VIRMA: variants seen among roughly 807,000 people sequenced by gnomAD.
VIRMA encodes protein virilizer homolog.
Under a neutral mutation model 182.4 loss-of-function variants are expected in VIRMA, and 65 were observed. That is an observed-to-expected ratio of 0.36 (90% CI 0.29 to 0.44). VIRMA has a LOEUF of 0.44. Ranked by LOEUF, VIRMA falls within the 20% of genes least tolerant of loss-of-function variation. VIRMA has a pLI of 1.00. For missense variants in VIRMA, 1,752 were observed against 2,158.1 expected (o/e 0.81, Z 3.73); for synonymous variants, 709 against 743.1 (o/e 0.95, Z 0.75).
intron 17 of VIRMA, chr8:94,497,725 A>G (rs938416127): frequency 2.0e-5 from 3 of 151,656 alleles, no homozygotes; most frequent in African/African-American, 7.3e-5. Flanking sequence ...TTAAGAGACG[A>G]GTTGGCCAGG....
rs1813498948 is a variant in VIRMA at position 94,487,922 on chromosome 8, A to AT, written c.*783dup. 6.6e-6 allele frequency: 1 copy of AT among 152,224 alleles called. No individual in the cohort carries two copies. Among genetic ancestry groups the AT allele is most frequent in the Non-Finnish European group, 1.5e-5 (1 of 68,038 alleles). 9.4% of individuals were successfully genotyped at this position (152,224 alleles called of 1,614,324 possible). On this transcript the variant is annotated 3_prime_UTR_variant, in exon 24 of 24. Coordinates refer to ENST00000297591, the MANE Select transcript of VIRMA (RefSeq NM_015496.5). Reference sequence around the variant, plus strand: ...TAGTGTCAGTAGGTCCAAAGCTGAAATGCAAAGTTCAGATTTCTAATACAA... The same window carrying AT: ...TAGTGTCAGTAGGTCCAAAGCTGAAATTGCAAAGTTCAGATTTCTAATACAA...
At chr8:94,491,064 A>C (rs1276865576) in intron 22 of VIRMA, among the ~76,000 whole-genome samples, 1 of 151,632 alleles carries the variant, frequency 6.6e-6, no homozygotes, top group Non-Finnish European at 1.5e-5. Context: ...CTGTAATCCC[A>C]GCACTTTGGG....
chr8:94,531,325 C>A (rs1192408595), intron 5 of VIRMA, among the ~76,000 whole-genome samples: 1 of 152,138 alleles, frequency 6.6e-6, no homozygotes, highest in Admixed American at 6.6e-5. Context: ...TATACACAGG[C>A]AGTCCTAGAA....
intron 19 of VIRMA, among the ~76,000 whole-genome samples, chr8:94,495,530 C>A: frequency 6.7e-6 from 1 of 149,144 alleles, no homozygotes; most frequent in South Asian, 2.1e-4. Context: ...TCTGTACAGC[C>A]TGCAAGCTAG....
chr8:94,529,283 G>A lies in VIRMA; in HGVS notation c.667C>T (p.Pro223Ser). ...TCCTGGGGAACAGAATTCCGATCAG[G>A]AGAAATGGGCTCAAAGTAATCTTCT... ...HREDYFEPIS[P>S]DRNSVPQEGQ... Residue 223 changes from proline (P) to serine (S), a missense_variant, in exon 7 of 24, where the codon CCT becomes TCT. Transcript: ENST00000297591. The A allele has an allele frequency of 6.2e-7, 1 of 1,613,134 alleles. No homozygotes were observed. The highest frequency in any genetic ancestry group is 1.1e-5 in the South Asian group (1 of 91,062).
At position 94,488,189 on chromosome 8, in the gene VIRMA, A is replaced by G. The variant is rs1813504320; in HGVS notation, c.*517T>C. ...ACAAAACTGGGTTTTCAGCAGTTTG[A>G]TAAAAAGTACTGTGCAAGAAGCAGA... On this transcript the variant is annotated 3_prime_UTR_variant, in exon 24 of 24. Transcript: ENST00000297591. 1.3e-5 allele frequency: 2 copies of G among 152,366 alleles called. No individual in the cohort carries two copies. The highest frequency in any genetic ancestry group is 1.3e-4 in the Admixed American group (2 of 15,304). The allele number at this position is 152,366 out of a possible 1,614,324, so 9.4% of individuals were successfully genotyped here.
chr8:94,523,597 T>G (rs192682326), intron 8 of VIRMA, among the ~76,000 whole-genome samples: 59 of 152,190 alleles, frequency 3.9e-4, no homozygotes, highest in Non-Finnish European at 6.8e-4. Flanking sequence ...ATTTTTTATT[T>G]TCTGTAGCGG....
Position 94,510,630 on chromosome 8 carries a change from G to GATA in VIRMA, c.3410_3412dup (p.Ile1137_Ser1138insLeu). ...CAATTTTCGGGTGTTGAGTGCCACT[G>GATA]ATATATCATGTGGCTCAATAACCTG... On this transcript the variant is annotated inframe_insertion, in exon 14 of 24. Transcript: ENST00000297591. 6.2e-7 allele frequency: 1 copy of GATA among 1,613,552 alleles called. No individual in the cohort carries two copies. The highest frequency in any genetic ancestry group is 8.5e-7 in the Non-Finnish European group (1 of 1,179,498).
chr8:94,528,099 G>A (rs1352949079), intron 7 of VIRMA, among the ~76,000 whole-genome samples: 1 of 151,756 alleles, frequency 6.6e-6, no homozygotes, highest in Admixed American at 6.6e-5. Flanking sequence ...CTGAGCGTAG[G>A]GGTGCGTGCC....
Position 94,510,496 on chromosome 8 carries a change from G to C in VIRMA, c.3547C>G (p.Gln1183Glu). The C allele has an allele frequency of 6.2e-7, 1 of 1,614,046 alleles. No homozygotes were observed. The highest frequency in any genetic ancestry group is 1.1e-5 in the South Asian group (1 of 91,058). The change falls in exon 14 of 24, where the codon CAA becomes GAA. Residue 1183 changes from glutamine (Q) to glutamate (E), a missense_variant. This residue lies in a region of VIRMA where 777 missense variants were observed against 920.6 expected (regional missense o/e 0.84). Transcript: ENST00000297591. ...IQHMLRRICV[Q>E]LCDLASPTAL... is the part of the protein sequence containing the mutation. ...GTTGGTGAGGCAAGGTCACACAATTGAACACAAATACGCCGTAACATATGT... is the reference window on the plus strand; with the variant it reads ...GTTGGTGAGGCAAGGTCACACAATTCAACACAAATACGCCGTAACATATGT...
chr8:94,548,064 G>C (rs933802701), intron 1 of VIRMA, among the ~76,000 whole-genome samples: 6 of 146,798 alleles, frequency 4.1e-5, no homozygotes, highest in African/African-American at 1.5e-4. Context: ...ACCACTTAAA[G>C]AATATTACAC....
chr8:94,509,471 C>T (rs182949402), intron 15 of VIRMA, among the ~76,000 whole-genome samples: 25 of 150,892 alleles, frequency 1.7e-4, no homozygotes, highest in Non-Finnish European at 2.7e-4. Context: ...CTAAAAAATA[C>T]GGAAACACTG....
At chr8:94,553,338 G>C in intron 1 of VIRMA, 47 bp downstream of exon 1, 1 of 1,583,404 alleles carries the variant, frequency 6.3e-7, no homozygotes, top group Non-Finnish European at 8.7e-7. Flanking sequence ...TTTTTGTAAA[G>C]ATCCCAAGTC....
intron 11 of VIRMA, among the ~76,000 whole-genome samples, chr8:94,513,336 CAAAACA>C (rs1464704279): frequency 7.2e-6 from 1 of 138,924 alleles, no homozygotes; most frequent in Non-Finnish European, 1.5e-5. Flanking sequence ...GACTCCATCT[CAAAACA>C]AAACAAAACA....
rs990344982 is a variant in VIRMA at position 94,512,096 on chromosome 8, A to C, written c.2752-7T>G. 8 of 1,413,158 alleles carry C rather than the reference A, an allele frequency of 5.7e-6. No homozygotes were observed. The highest frequency in any genetic ancestry group is 7.5e-6 in the Non-Finnish European group (8 of 1,065,244). 87.5% of individuals were successfully genotyped at this position (1,413,158 alleles called of 1,614,324 possible). On this transcript the variant is annotated splice_polypyrimidine_tract_variant and splice_region_variant and intron_variant, in intron 11 of 23. Coordinates refer to ENST00000297591, the MANE Select transcript of VIRMA (RefSeq NM_015496.5). ...TCATCAAGTTATCGATATTCTTTAAAAATGAAAATGAACAGAATATTTCGT... is the reference window on the plus strand; with the variant it reads ...TCATCAAGTTATCGATATTCTTTAACAATGAAAATGAACAGAATATTTCGT...
At chr8:94,508,266 A>G (rs1249661657) in intron 15 of VIRMA, among the ~76,000 whole-genome samples, 1 of 151,896 alleles carries the variant, frequency 6.6e-6, no homozygotes, top group Non-Finnish European at 1.5e-5. Context: ...GTTTTTTTGT[A>G]GTAGAGATGG....
chr8:94,505,635 A>C (rs528511701), intron 16 of VIRMA, among the ~76,000 whole-genome samples: 3 of 152,034 alleles, frequency 2.0e-5, no homozygotes, highest in Non-Finnish European at 4.4e-5. Context: ...GGTGTGTGCC[A>C]TCATGCCCAA....
chr8:94,490,291 G>A (rs1813566816), intron 22 of VIRMA: 1 of 524,462 alleles, frequency 1.9e-6, no homozygotes, highest in African/African-American at 1.9e-5. Flanking sequence ...TCTACCACTT[G>A]TATTTATGTG....
intron 13 of VIRMA, chr8:94,510,977 C>T: frequency 7.3e-7 from 1 of 1,376,030 alleles, no homozygotes; most frequent in Non-Finnish European, 9.4e-7. Flanking sequence ...CAAAATAAAA[C>T]TCACTTTAAC....
Sources: gnomAD v4.1 joint callset for allele counts (sites outside exome capture counted in the v4.1 genomes callset) on GRCh38, gnomAD v4.1.1 for gene constraint, gnomAD v4.1.1 regional missense constraint, MANE v1.5 for transcripts, NCBI Gene and HGNC (gene_info 2026-07-23, HGNC 2026-07-21) for gene names.